The following PLCE1 variants were observed in gnomAD, a reference collection of about 807,000 sequenced individuals.
The protein encoded by PLCE1 is 1-phosphatidylinositol 4,5-bisphosphate phosphodiesterase epsilon-1.
Under a neutral mutation model 242.8 loss-of-function variants are expected in PLCE1, and 119 were observed. The ratio of observed to expected loss-of-function variants is 0.49; its 90% CI spans 0.42 to 0.57. The LOEUF (loss-of-function observed/expected upper bound fraction) is 0.57. Among genes scored for constraint, PLCE1 ranks in the 20% least tolerant of loss-of-function variants. The pLI, the probability that PLCE1 is intolerant of heterozygous loss-of-function variation, is 0.00. For synonymous variants in PLCE1, 945 were observed against 1,017.4 expected (o/e 0.93, Z 1.35); for missense variants, 2,441 against 2,788.8 (o/e 0.88, Z 2.81).
At chr10:94,005,347 A>G (rs944092824) in intron 1 of PLCE1, among the ~76,000 whole-genome samples, 2 of 152,194 alleles carry the variant, frequency 1.3e-5, no homozygotes, top group African/African-American at 4.8e-5. Context: ...GTTCACATAA[A>G]TGCTCTACTA....
At chr10:94,175,619 G>A (rs897288122) in intron 4 of PLCE1, among the ~76,000 whole-genome samples, 14 of 151,498 alleles carry the variant, frequency 9.2e-5, no homozygotes, top group Non-Finnish European at 1.6e-4. Context: ...AATTATTATT[G>A]ACTATATCAC....
intron 2 of PLCE1, among the ~76,000 whole-genome samples, chr10:94,130,587 C>A (rs938912910): frequency 1.3e-5 from 2 of 152,174 alleles, no homozygotes; most frequent in African/African-American, 4.8e-5. Context: ...GTGTACCTGA[C>A]CTCATGTACC....
intron 2 of PLCE1, among the ~76,000 whole-genome samples, chr10:94,072,641 G>A (rs2044394047): frequency 6.6e-6 from 1 of 152,082 alleles, no homozygotes; most frequent in African/African-American, 2.4e-5. Context: ...TCTTCAGAAT[G>A]TCTCTTTCAA....
rs1416949602 is a variant in PLCE1, at chr10:94,322,115, C to T, written c.6501+56C>T. On this transcript the variant is annotated intron_variant, in intron 30 of 32. Transcript: ENST00000371380. ...CTTTCCTCAGCATAAATTATTGGAA[C>T]AAATGTCTGTGCACTGATGGCTCAT... 6.6e-6 allele frequency: 10 copies of T among 1,516,352 alleles called. No individual in the cohort carries two copies. In the Admixed American group the frequency reaches 1.7e-4, roughly 25 times the overall value. 93.9% of individuals were successfully genotyped at this position (1,516,352 alleles called of 1,614,324 possible). A position where few individuals can be genotyped will look rare whatever the true frequency, so the allele number is the denominator to read the frequency against.
intron 7 of PLCE1, 96 bp downstream of exon 7, chr10:94,236,216 T>C (rs2050319891): frequency 1.0e-6 from 1 of 974,384 alleles, no homozygotes; most frequent in East Asian, 2.6e-5. Context: ...GATGGACACC[T>C]CATCAAAACC....
intron 1 of PLCE1, among the ~76,000 whole-genome samples, chr10:94,009,839 G>GCAGGTTGGAGT (rs1299348429): frequency 6.6e-6 from 1 of 152,252 alleles, no homozygotes; most frequent in Non-Finnish European, 1.5e-5. Context: ...AGTACCCATG[G>GCAGGTTGGAGT]CTGCTCTCGC....
At chr10:94,185,183 G>A (rs545149162) in intron 4 of PLCE1, among the ~76,000 whole-genome samples, 11 of 152,334 alleles carry the variant, frequency 7.2e-5, no homozygotes, top group African/African-American at 2.6e-4. Flanking sequence ...AGTAGAAAGA[G>A]GAAAGAGTAT....
At chr10:94,025,692 C>T (rs866603314) in intron 1 of PLCE1, among the ~76,000 whole-genome samples, 21 of 152,222 alleles carry the variant, frequency 1.4e-4, no homozygotes, top group Admixed American at 2.0e-4. Context: ...CTTTATCAGA[C>T]GGATCCAAAG....
At chr10:94,295,454 A>G (rs2052779993) in intron 23 of PLCE1, among the ~76,000 whole-genome samples, 1 of 152,110 alleles carries the variant, frequency 6.6e-6, no homozygotes, top group African/African-American at 2.4e-5. Context: ...TGCAGGCTAT[A>G]CTTCTAGTTC....
chr10:94,146,452 CT>C (rs2047115143), intron 3 of PLCE1, among the ~76,000 whole-genome samples: 1 of 152,218 alleles, frequency 6.6e-6, no homozygotes, highest in Non-Finnish European at 1.5e-5. Flanking sequence ...AACTCCTCCC[CT>C]GAGTTAGTGC....
chr10:94,315,571 C>A (rs2053538624), intron 28 of PLCE1: 7 of 449,520 alleles, frequency 1.6e-5, no homozygotes, highest in South Asian at 7.9e-5. Context: ...GAATTTGAGA[C>A]CAGCCTGGCC....
chr10:94,159,827 T>G (rs1020786634), intron 3 of PLCE1, among the ~76,000 whole-genome samples: 12 of 152,160 alleles, frequency 7.9e-5, no homozygotes, highest in Non-Finnish European at 1.6e-4. Context: ...GTCCATGTGT[T>G]TTCATTGTTC....
Position 94,254,933 on chromosome 10 carries a change from C to T in PLCE1, c.3438C>T (p.Ser1146=). The T allele has an allele frequency of 1.2e-6, 2 of 1,614,022 alleles. No individual in the cohort carries two copies. Among genetic ancestry groups the T allele is most frequent in the Non-Finnish European group, 1.7e-6 (2 of 1,179,898 alleles). ...CTAACCCTCCAAACCCCCTCCCTTC[C>T]AGAAGAGCCCACTCTTTGACCACAG... is the stretch of plus-strand genomic sequence containing the variant. The part of the protein sequence containing the change: ...AIANPPNPLP[S]RRAHSLTTAG... Residue 1146 remains serine (S), a synonymous_variant, in exon 11 of 33, where the codon TCC becomes TCT. Transcript: ENST00000371380.
chr10:94,072,325 G>A (rs563547158), intron 2 of PLCE1, among the ~76,000 whole-genome samples: 65 of 151,596 alleles, frequency 4.3e-4, no homozygotes, highest in Non-Finnish European at 8.2e-4. Context: ...CACCCAGGCC[G>A]GAGTGCAGTG....
chr10:94,056,533 A>C (rs545752861), intron 2 of PLCE1, among the ~76,000 whole-genome samples: 2 of 152,276 alleles, frequency 1.3e-5, no homozygotes, highest in South Asian at 4.1e-4. Context: ...ATATTTGGTA[A>C]ATTTTCTTTC....
At chr10:94,243,462 C>G (rs1261773397) in intron 7 of PLCE1, among the ~76,000 whole-genome samples, 1 of 152,120 alleles carries the variant, frequency 6.6e-6, no homozygotes, top group Non-Finnish European at 1.5e-5. Context: ...AAGTGTGGAC[C>G]TTAATTAGTG....
At chr10:94,175,786 A>C (rs1045446225) in intron 4 of PLCE1, among the ~76,000 whole-genome samples, 1 of 152,098 alleles carries the variant, frequency 6.6e-6, no homozygotes, top group Non-Finnish European at 1.5e-5. Context: ...CAATTGTTTT[A>C]ATTTTTAGCT....
At chr10:94,179,530 T>TTTTTTTTTTTG (rs10636243) in intron 4 of PLCE1, among the ~76,000 whole-genome samples, 3 of 118,826 alleles carry the variant, frequency 2.5e-5, no homozygotes, top group Non-Finnish European at 3.4e-5. Flanking sequence ...TTTTTTTTTT[T>TTTTTTTTTTTG]GACAGGGTCT....
At chr10:94,167,748 T>G (rs1214318247) in intron 3 of PLCE1, among the ~76,000 whole-genome samples, 2 of 144,784 alleles carry the variant, frequency 1.4e-5, no homozygotes, top group Non-Finnish European at 3.0e-5. Context: ...TGGTGTTTGG[T>G]TTTTTGTCCT....
Sources: allele counts gnomAD v4.1 joint callset (sites outside exome capture counted in the v4.1 genomes callset), GRCh38; gene constraint gnomAD v4.1.1; transcripts MANE v1.5; gene names NCBI Gene and HGNC (gene_info 2026-07-23, HGNC 2026-07-21).